Variants in GPC6 observed in about 807,000 individuals in gnomAD.
GPC6 encodes glypican-6.
Under a neutral mutation model 55.2 loss-of-function variants are expected in GPC6, and 14 were observed. That is an observed-to-expected ratio of 0.25 (90% confidence interval 0.17 to 0.40). The LOEUF (loss-of-function observed/expected upper bound fraction) is 0.40. Ranked by LOEUF, GPC6 falls within the 10% of genes least tolerant of loss-of-function variation. The pLI, the probability that GPC6 is intolerant of heterozygous loss-of-function variation, is 1.00. For synonymous variants in GPC6, 278 were observed against 259.6 expected (o/e 1.07, Z -0.68); for missense variants, 641 against 708.5 (o/e 0.90, Z 1.08).
intron 4 of GPC6, among the ~76,000 whole-genome samples, chr13:94,052,211 A>G (rs888574521): frequency 6.6e-6 from 1 of 152,306 alleles, no homozygotes; most frequent in Admixed American, 6.5e-5. Context: ...TTTTTATAGG[A>G]GGTAGTATTT....
chr13:94,276,467 C>CATTTTT (rs1274028113), intron 4 of GPC6, among the ~76,000 whole-genome samples: 1 of 122,684 alleles, frequency 8.2e-6, no homozygotes, highest in Admixed American at 7.4e-5. Flanking sequence ...GGGCCTTTCT[C>CATTTTT]ATTTTTATTT....
At chr13:93,848,129 G>T (rs1344601985) in intron 3 of GPC6, among the ~76,000 whole-genome samples, 1 of 151,986 alleles carries the variant, frequency 6.6e-6, no homozygotes, top group African/African-American at 2.4e-5. Context: ...TTTCACTTCT[G>T]AGTCAAAAAT....
intron 4 of GPC6, among the ~76,000 whole-genome samples, chr13:94,124,064 C>T (rs1020289022): frequency 1.3e-5 from 2 of 152,030 alleles, no homozygotes; most frequent in Non-Finnish European, 2.9e-5. Context: ...CTTGTAAAAG[C>T]ACAATTAGAA....
At chr13:93,755,772 TGAAA>T (rs1884746235) in intron 2 of GPC6, among the ~76,000 whole-genome samples, 1 of 152,196 alleles carries the variant, frequency 6.6e-6, no homozygotes, top group Non-Finnish European at 1.5e-5. Context: ...TTCAACATTT[TGAAA>T]GAAAGATTCA....
chr13:93,459,057 A>G (rs1419952136), intron 1 of GPC6, among the ~76,000 whole-genome samples: 1 of 152,098 alleles, frequency 6.6e-6, no homozygotes, highest in African/African-American at 2.4e-5. Context: ...TCATATTTGT[A>G]TTTTATTATT....
intron 1 of GPC6, among the ~76,000 whole-genome samples, chr13:93,322,310 A>G (rs1483242836): frequency 2.6e-5 from 4 of 151,876 alleles, no homozygotes; most frequent in Non-Finnish European, 4.4e-5. Flanking sequence ...TCACCCTCCA[A>G]TAGGCCACAG....
At chr13:94,131,173 T>C (rs1323582446) in intron 4 of GPC6, among the ~76,000 whole-genome samples, 1 of 152,120 alleles carries the variant, frequency 6.6e-6, no homozygotes, top group Non-Finnish European at 1.5e-5. Context: ...AAACTTACCA[T>C]ATGTTTAAAA....
chr13:94,153,985 TAAC>T (rs1457727834), intron 4 of GPC6, among the ~76,000 whole-genome samples: 1 of 152,108 alleles, frequency 6.6e-6, no homozygotes, highest in Non-Finnish European at 1.5e-5. Context: ...CTTCATAAAA[TAAC>T]AATTATTATT....
chr13:93,759,713 C>G (rs1021905903), intron 2 of GPC6, among the ~76,000 whole-genome samples: 1 of 152,070 alleles, frequency 6.6e-6, no homozygotes, highest in South Asian at 2.1e-4. Context: ...AAACTAAGTG[C>G]TTAAAAACTA....
chr13:94,171,661 C>T (rs956696084), intron 4 of GPC6, among the ~76,000 whole-genome samples: 1 of 152,190 alleles, frequency 6.6e-6, no homozygotes, highest in Non-Finnish European at 1.5e-5. Context: ...AAAACCAAGA[C>T]ATTTGTCCTT....
intron 6 of GPC6, among the ~76,000 whole-genome samples, chr13:94,368,663 AT>A (rs976385815): frequency 2.0e-5 from 3 of 152,042 alleles, no homozygotes; most frequent in East Asian, 1.9e-4. Flanking sequence ...GAAAAAAAAA[AT>A]ATTCTACCTG....
At chr13:93,503,276 A>G (rs143207893) in intron 1 of GPC6, among the ~76,000 whole-genome samples, 187 of 152,274 alleles carry the variant, frequency 1.2e-3, no homozygotes, top group African/African-American at 4.2e-3. Context: ...GTTGTCTCAC[A>G]CAAGTTTATT....
intron 4 of GPC6, among the ~76,000 whole-genome samples, chr13:94,145,561 G>GA (rs5805851): frequency 0.44 from 66,681 of 151,570 alleles, 16,513 homozygotes; most frequent in Admixed American, 0.58. Flanking sequence ...AGTTGAAAAA[G>GA]AAAAAAAATG....
At chr13:93,561,992 A>G (rs997121006) in intron 2 of GPC6, among the ~76,000 whole-genome samples, 1 of 152,124 alleles carries the variant, frequency 6.6e-6, no homozygotes, top group Non-Finnish European at 1.5e-5. Flanking sequence ...TGCTTTGTGG[A>G]TTGGGATTCA....
chr13:94,170,758 A>G (rs946732059), intron 4 of GPC6, among the ~76,000 whole-genome samples: 6 of 152,308 alleles, frequency 3.9e-5, no homozygotes, highest in African/African-American at 1.4e-4. Flanking sequence ...GTTTTCAGTA[A>G]ATTGAATTTG....
chr13:93,280,852 A>G (rs1877925903), intron 1 of GPC6, among the ~76,000 whole-genome samples: 2 of 152,186 alleles, frequency 1.3e-5, no homozygotes, highest in Non-Finnish European at 2.9e-5. Flanking sequence ...TAAGGAGTCC[A>G]CAGCCTAGAT....
At chr13:93,478,675 T>C (rs1879389518) in intron 1 of GPC6, among the ~76,000 whole-genome samples, 1 of 152,182 alleles carries the variant, frequency 6.6e-6, no homozygotes, top group Non-Finnish European at 1.5e-5. Flanking sequence ...ATCATTGTTA[T>C]GGCAGTGATT....
chr13:93,514,052 T>G (rs2139389260), intron 1 of GPC6, among the ~76,000 whole-genome samples: 1 of 152,086 alleles, frequency 6.6e-6, no homozygotes, highest in Non-Finnish European at 1.5e-5. Context: ...TTTTGTATTT[T>G]TAGTAGAAAC....
chr13:93,821,352 A>G (rs1403296762), intron 2 of GPC6, among the ~76,000 whole-genome samples: 5 of 152,158 alleles, frequency 3.3e-5, no homozygotes, highest in African/African-American at 9.7e-5. Context: ...CTATTTAATA[A>G]TGTTATAGGG....
Sources: gnomAD v4.1 joint callset for allele counts (sites outside exome capture counted in the v4.1 genomes callset) on GRCh38, gnomAD v4.1.1 for gene constraint, MANE v1.5 for transcripts, NCBI Gene and HGNC (gene_info 2026-07-23, HGNC 2026-07-21) for gene names.